MALRD1: variants seen among roughly 807,000 people sequenced by gnomAD.
MALRD1 encodes the protein MAM and LDL-receptor class A domain-containing protein 1.
In MALRD1, 247 loss-of-function variants were observed where a neutral mutation model predicts 242.1. The ratio of observed to expected loss-of-function variants is 1.02; its 90% CI spans 0.92 to 1.13. MALRD1 has a LOEUF of 1.13. MALRD1 is among the 50% of genes most tolerant of loss of function. MALRD1 has a pLI of 0.00. For synonymous variants in MALRD1, 995 were observed against 866.6 expected (o/e 1.15, Z -2.60); for missense variants, 2,989 against 2,533.1 (o/e 1.18, Z -3.86).
chr10:19,349,907 A>G (rs957695370), intron 25 of MALRD1, among the ~76,000 whole-genome samples: 2 of 152,160 alleles, frequency 1.3e-5, no homozygotes. Context: ...CTGGTCCCAG[A>G]ACTAGAGTCC....
chr10:19,470,439 C>T (rs1349192781), intron 29 of MALRD1, among the ~76,000 whole-genome samples: 1 of 151,922 alleles, frequency 6.6e-6, no homozygotes, highest in African/African-American at 2.4e-5. Flanking sequence ...AATTTCAATT[C>T]CTTTGGGATA....
rs146110946 is a variant in MALRD1 at position 19,529,718 on chromosome 10, T to G, written c.5321-1476T>G. ...AAACACAAGACCCAACTATATATTG[T>G]CAGTAAGAAACCTACATTTAATATA... On this transcript the variant is annotated intron_variant, in intron 31 of 39. Coordinates refer to ENST00000454679, the MANE Select transcript of MALRD1 (RefSeq NM_001142308.3). Among the ~76,000 whole-genome samples, 641 of 152,116 alleles carry G rather than the reference T, an allele frequency of 4.2e-3. 5 individuals are homozygous for G. Among genetic ancestry groups the G allele is most frequent in the South Asian group, 0.015 (71 of 4,822 alleles).
chr10:19,584,016 G>A (rs1837265999), intron 33 of MALRD1, among the ~76,000 whole-genome samples: 2 of 151,928 alleles, frequency 1.3e-5, no homozygotes, highest in South Asian at 4.1e-4. Flanking sequence ...TTGTGTAGAG[G>A]CGTTTGTAGT....
In MALRD1 at chr10:19,133,460, G is replaced by T. The variant is rs116044527; in HGVS notation, c.1111-396G>T. The stretch of plus-strand genomic sequence containing the variant: ...AACATTTTTAACCTTTATATTGTTT[G>T]CCTGTAAACGTTTTCTTTTCTAGTA... On this transcript the variant is annotated intron_variant, in intron 8 of 39. Transcript: ENST00000454679. Among the ~76,000 whole-genome samples, 166 of 152,194 alleles carry T rather than the reference G, an allele frequency of 1.1e-3. 1 individual carries two copies. Among genetic ancestry groups the T allele is most frequent in the African/African-American group, 3.8e-3 (159 of 41,552 alleles).
intron 14 of MALRD1, 135 bp downstream of exon 14, chr10:19,175,463 A>AAAATATATATATATAT (rs1179056617): frequency 2.5e-5 from 5 of 202,790 alleles, no homozygotes; most frequent in African/African-American, 1.3e-4. Context: ...TGAAACCTAA[A>AAAATATATATATATAT]ATATATATAT....
intron 38 of MALRD1, among the ~76,000 whole-genome samples, chr10:19,719,205 T>TATAC (rs757109185): frequency 0.018 from 1,760 of 96,262 alleles, 150 homozygotes; most frequent in African/African-American, 0.081. Flanking sequence ...CATATATATA[T>TATAC]ATATATACAC....
chr10:19,620,019 A>AATATATT (rs564333226), intron 36 of MALRD1, among the ~76,000 whole-genome samples: 1 of 58,470 alleles, frequency 1.7e-5, no homozygotes, highest in African/African-American at 3.6e-5. Flanking sequence ...TAATAATAAT[A>AATATATT]AATAATAATA....
chr10:19,048,878 T>C lies in MALRD1; in HGVS notation c.-61T>C. On this transcript the variant is annotated 5_prime_UTR_variant, in exon 1 of 40. An upstream start codon of the reference 5' UTR is lost. Coordinates refer to ENST00000454679, the MANE Select transcript of MALRD1 (RefSeq NM_001142308.3). ...AAGGAAGAATAGAGAAATAAAAGAATGTTTCCAATGATGGACTTACTTATT... is the reference window on the plus strand; with the variant it reads ...AAGGAAGAATAGAGAAATAAAAGAACGTTTCCAATGATGGACTTACTTATT... The C allele has an allele frequency of 2.6e-6, 3 of 1,159,544 alleles. No homozygotes were observed. The highest frequency in any genetic ancestry group is 3.2e-5 in the East Asian group (1 of 31,318). The allele number at this position is 1,159,544 out of a possible 1,614,324, so 71.8% of individuals were successfully genotyped here.
intron 1 of MALRD1, among the ~76,000 whole-genome samples, chr10:19,054,007 A>C (rs1170452518): frequency 6.6e-6 from 1 of 152,160 alleles, no homozygotes; most frequent in East Asian, 1.9e-4. Flanking sequence ...TGTAGGTCTA[A>C]TAACTGTTTG....
At chr10:19,320,726 C>T (rs891527669) in intron 21 of MALRD1, among the ~76,000 whole-genome samples, 4 of 152,146 alleles carry the variant, frequency 2.6e-5, no homozygotes, top group Non-Finnish European at 5.9e-5. Flanking sequence ...TCCACATCCT[C>T]TCCAGCATCT....
At chr10:19,721,919 G>C (rs1463278355) in intron 38 of MALRD1, 4 of 152,216 alleles carry the variant, frequency 2.6e-5, no homozygotes, top group Admixed American at 2.0e-4. Context: ...AAGCGGAACA[G>C]GAAGCTACAT....
intron 29 of MALRD1, among the ~76,000 whole-genome samples, chr10:19,451,954 G>A (rs1835351976): frequency 6.6e-6 from 1 of 152,138 alleles, no homozygotes; most frequent in Non-Finnish European, 1.5e-5. Flanking sequence ...GCTGGAGAGA[G>A]TGTCTTAATG....
intron 13 of MALRD1, among the ~76,000 whole-genome samples, chr10:19,174,411 T>A (rs1304483607): frequency 6.6e-6 from 1 of 152,086 alleles, no homozygotes; most frequent in Non-Finnish European, 1.5e-5. Context: ...ACAAGTAAAT[T>A]TAATGATCCT....
At chr10:19,294,238 C>T (rs952351245) in intron 21 of MALRD1, among the ~76,000 whole-genome samples, 1 of 152,104 alleles carries the variant, frequency 6.6e-6, no homozygotes, top group East Asian at 1.9e-4. Flanking sequence ...TACTTACATT[C>T]TAACTCCTGT....
chr10:19,115,904 A>G (rs1212472611), intron 5 of MALRD1, among the ~76,000 whole-genome samples: 2 of 152,254 alleles, frequency 1.3e-5, no homozygotes, highest in African/African-American at 4.8e-5. Context: ...AAAAATACAT[A>G]TAAGCTATTT....
Position 19,099,259 on chromosome 10 carries a change from G to A in MALRD1, c.598-4720G>A, listed in dbSNP as rs374988627. Among the ~76,000 whole-genome samples the A allele has an allele frequency of 4.6e-5, 7 of 152,246 alleles. No homozygotes were observed. The East Asian group carries it at 1.4e-3, about 29-fold the overall frequency. On this transcript the variant is annotated intron_variant, in intron 4 of 39. Coordinates refer to ENST00000454679, the MANE Select transcript of MALRD1 (RefSeq NM_001142308.3). ...GTTATAAAAAGTAATTTATTGGGCT[G>A]CTTTTTGGTAGAAGGGAAGCCTTGC...
At chr10:19,562,770 G>C (rs1487615175) in intron 32 of MALRD1, among the ~76,000 whole-genome samples, 9 of 152,150 alleles carry the variant, frequency 5.9e-5, no homozygotes, top group Admixed American at 5.9e-4. Flanking sequence ...CAGATTGGTG[G>C]CAGTGGCGTT....
chr10:19,405,584 C>T (rs181526709), intron 28 of MALRD1, among the ~76,000 whole-genome samples: 5 of 152,162 alleles, frequency 3.3e-5, no homozygotes, highest in Non-Finnish European at 7.3e-5. Flanking sequence ...AACACCAACA[C>T]AAGGCTTATT....
intron 5 of MALRD1, among the ~76,000 whole-genome samples, chr10:19,104,489 A>G (rs1488609843): frequency 6.6e-6 from 1 of 152,152 alleles, no homozygotes; most frequent in Non-Finnish European, 1.5e-5. Flanking sequence ...TCTATTTTCT[A>G]TTTTGACACA....
Sources: gnomAD v4.1 joint callset for allele counts (sites outside exome capture counted in the v4.1 genomes callset) on GRCh38, gnomAD v4.1.1 for gene constraint, MANE v1.5 for transcripts, NCBI Gene and HGNC (gene_info 2026-07-23, HGNC 2026-07-21) for gene names.